Variants in ZNF718 observed in about 807,000 individuals in gnomAD.
ZNF718 encodes zinc finger protein 718.
In ZNF718, 3 loss-of-function variants were observed where a neutral mutation model predicts 2.6. The ratio of observed to expected loss-of-function variants is 1.16; its 90% confidence interval spans 0.53 to 3.01. The LOEUF (loss-of-function observed/expected upper bound fraction) is 3.01, where lower values mean the gene tolerates loss of function less well. Ranked by LOEUF, ZNF718 falls within the 30% of genes most tolerant of loss-of-function variation. ZNF718 has a pLI of 0.03. For missense variants in ZNF718, 468 were observed against 230.0 expected, an observed-to-expected ratio of 2.03 and a Z score of -6.69; for synonymous variants, 135 against 77.9, an observed-to-expected ratio of 1.73 and a Z score of -3.86.
intron 3 of ZNF718, among the ~76,000 whole-genome samples, chr4:141,632 C>T (rs1715815561): frequency 6.6e-6 from 1 of 151,992 alleles, no homozygotes. Context: ...GTTCAATCTG[C>T]TTTAGGTTAT....
In ZNF718 at chr4:131,459, A is replaced by G; in HGVS notation, c.180A>G (p.Lys60=). The part of the protein sequence containing the change: ...PDLVTSLEQR[K]EPYNLKIHET... Reference sequence around the variant, plus strand: ...TGGTCACCAGTCTGGAGCAAAGAAAAGAGCCCTACAATTTGAAGATACATG... The same window carrying G: ...TGGTCACCAGTCTGGAGCAAAGAAAGGAGCCCTACAATTTGAAGATACATG... Residue 60 remains lysine, a synonymous_variant, in exon 3 of 4, where the codon AAA becomes AAG. Transcript: ENST00000510175. 1.9e-6 allele frequency: 1 copy of G among 532,714 alleles called. No homozygotes were observed. The highest frequency in any genetic ancestry group is 3.0e-6 in the Non-Finnish European group (1 of 337,680). The allele number at this position is 532,714 out of a possible 1,614,324, so 33.0% of individuals were successfully genotyped here.
intron 3 of ZNF718, among the ~76,000 whole-genome samples, chr4:187,056 C>G (rs1473013876): frequency 6.6e-6 from 1 of 152,140 alleles, no homozygotes; most frequent in Non-Finnish European, 1.5e-5. Flanking sequence ...TTCAATCTTT[C>G]AGGTTGCTGA....
intron 3 of ZNF718, among the ~76,000 whole-genome samples, chr4:185,630 A>G (rs1462123224): frequency 6.6e-6 from 1 of 152,144 alleles, no homozygotes; most frequent in Non-Finnish European, 1.5e-5. Context: ...GTGGGAGTCT[A>G]AGTCTCTTTG....
chr4:146,673 T>A (rs1486283803), intron 3 of ZNF718, among the ~76,000 whole-genome samples: 2 of 152,104 alleles, frequency 1.3e-5, no homozygotes, highest in Non-Finnish European at 2.9e-5. Flanking sequence ...TACCTTTTTA[T>A]GGTTTATCAT....
In ZNF718 at chr4:145,514, A is replaced by C. The variant is rs561706595; in HGVS notation, c.226+14009A>C. On this transcript the variant is annotated intron_variant, in intron 3 of 3. Coordinates refer to ENST00000510175, the MANE Select transcript of ZNF718 (RefSeq NM_001039127.6). ...GGGTCTTCCTTTGTTACTCAGGCTG[A>C]AGTGCAGTACATTCACAGCTTAGTG... Among the ~76,000 whole-genome samples, 150 of 152,268 alleles carry C rather than the reference A, an allele frequency of 9.9e-4. 1 individual carries two copies. Among genetic ancestry groups the C allele is most frequent in the African/African-American group, 3.5e-3 (147 of 41,546 alleles).
Position 129,717 on chromosome 4 carries a change from T to A in ZNF718, c.4-1071T>A, listed in dbSNP as rs1715306277. ...AATAAAAAATTCCTCTGAATTGCAC[T>A]TAGCACTTCCTTTCTGTATCTGTCC... On this transcript the variant is annotated intron_variant, in intron 1 of 3. Transcript: ENST00000510175. Among the ~76,000 whole-genome samples, 5 of 102,942 alleles carry A rather than the reference T, an allele frequency of 4.9e-5. 2 individuals carry two copies. Among genetic ancestry groups the A allele is most frequent in the Non-Finnish European group, 1.1e-4 (5 of 46,336 alleles). The allele number at this position is 102,942 out of a possible 152,430, so 67.5% of individuals were successfully genotyped here.
chr4:200,656 G>A (rs1717880943), intron 3 of ZNF718, among the ~76,000 whole-genome samples: 2 of 152,006 alleles, frequency 1.3e-5, no homozygotes, highest in South Asian at 2.1e-4. Context: ...ATATTATTTG[G>A]CATTAATACA....
At position 172,231 on chromosome 4, in the gene ZNF718, G is replaced by A. The variant is rs146027423; in HGVS notation, c.227-28850G>A. 3.4e-3 allele frequency among the ~76,000 whole-genome samples: 512 copies of A among 152,056 alleles called. 1 individual carries two copies. The highest frequency in any genetic ancestry group is 6.8e-3 in the Middle Eastern group (2 of 294). On this transcript the variant is annotated intron_variant and NMD_transcript_variant, in intron 3 of 4. Coordinates refer to the ZNF718 transcript ENST00000642529. The stretch of plus-strand genomic sequence containing the variant: ...AGCATCCAGTAACCAGCATTTTGCC[G>A]TCTGGCTTATTTCACTTGGCATAAT...
chr4:142,699 A>G (rs1293617307), intron 3 of ZNF718, among the ~76,000 whole-genome samples: 3 of 152,244 alleles, frequency 2.0e-5, no homozygotes, highest in African/African-American at 7.2e-5. Flanking sequence ...TTATAATAGA[A>G]TTGACTAAAC....
At chr4:148,573 C>T (rs1310630698) in intron 3 of ZNF718, among the ~76,000 whole-genome samples, 1 of 144,468 alleles carries the variant, frequency 6.9e-6, no homozygotes, top group Non-Finnish European at 1.5e-5. Context: ...CACGCCATTG[C>T]ACTCTGCAGC....
rs1332645135 is a variant in ZNF718, at chr4:163,070, CA to C, written c.*951del. On this transcript the variant is annotated 3_prime_UTR_variant, in exon 4 of 4. Transcript: ENST00000510175. ...AAAAAATTATAGATTTTTTGAAAAGCAAATTCAACTCTAAAATTACTTCATA... is the reference window on the plus strand; with the variant it reads ...AAAAAATTATAGATTTTTTGAAAAGCAATTCAACTCTAAAATTACTTCATA... The C allele has an allele frequency of 6.6e-6, 1 of 151,804 alleles. No individual in the cohort carries two copies. The highest frequency in any genetic ancestry group is 1.5e-5 in the Non-Finnish European group (1 of 67,958). 9.4% of individuals were successfully genotyped at this position (151,804 alleles called of 1,614,324 possible).
rs1239842355 is a variant in ZNF718, at chr4:132,889, C to G, written c.226+1384C>G. On this transcript the variant is annotated intron_variant, in intron 3 of 3. Coordinates refer to ENST00000510175, the MANE Select transcript of ZNF718 (RefSeq NM_001039127.6). ...AATTGTCTTGGCCACACATAAAATA[C>G]AGTAACGTGGCCGGACACGGTGGCT... Among the ~76,000 whole-genome samples the G allele has an allele frequency of 5.0e-5, 5 of 100,560 alleles. 2 individuals are homozygous for G. In the Admixed American group the frequency reaches 5.5e-4, roughly 11 times the overall value. The allele number at this position is 100,560 out of a possible 152,430, so 66.0% of individuals were successfully genotyped here. A position where few individuals can be genotyped will look rare whatever the true frequency, so the allele number is the denominator to read the frequency against.
intron 3 of ZNF718, among the ~76,000 whole-genome samples, chr4:200,239 G>T (rs1462663486): frequency 6.6e-6 from 1 of 150,576 alleles, no homozygotes; most frequent in Admixed American, 6.6e-5. Context: ...GAAGGAGGAG[G>T]TTTTTTTTTT....
In ZNF718 at chr4:181,158, C is replaced by CTTTT. The variant is rs782164295; in HGVS notation, c.227-19899_227-19896dup. On this transcript the variant is annotated intron_variant and NMD_transcript_variant, in intron 3 of 4. Coordinates refer to the ZNF718 transcript ENST00000642529. The stretch of plus-strand genomic sequence containing the variant: ...TACAGGCCTGTGCCCCAGTGCCCAG[C>CTTTT]TTTTTTTTTTTTTTTTTTTTTTTTT... Among the ~76,000 whole-genome samples, 31 of 51,088 alleles carry CTTTT rather than the reference C, an allele frequency of 6.1e-4. 2 individuals carry two copies. Among genetic ancestry groups the CTTTT allele is most frequent in the African/African-American group, 6.6e-4 (9 of 13,620 alleles). The allele number at this position is 51,088 out of a possible 152,430, so 33.5% of individuals were successfully genotyped here.
intron 3 of ZNF718, chr4:149,615 A>G (rs1263730015): frequency 6.6e-6 from 1 of 152,210 alleles, no homozygotes; most frequent in Non-Finnish European, 1.5e-5. Flanking sequence ...AATTTAAAAT[A>G]CATTTATAAA....
At chr4:153,674 A>G (rs1272683415) in intron 3 of ZNF718, among the ~76,000 whole-genome samples, 1 of 152,156 alleles carries the variant, frequency 6.6e-6, no homozygotes, top group Non-Finnish European at 1.5e-5. Context: ...GCATTTGGCA[A>G]AATTCAACAT....
chr4:146,819 AT>A (rs1193832383), intron 3 of ZNF718, among the ~76,000 whole-genome samples: 2 of 150,840 alleles, frequency 1.3e-5, no homozygotes, highest in East Asian at 3.9e-4. Context: ...TTTCTCTTAA[AT>A]TTTTCAGTTC....
At chr4:146,540 C>T (rs1187439684) in intron 3 of ZNF718, among the ~76,000 whole-genome samples, 1 of 152,008 alleles carries the variant, frequency 6.6e-6, no homozygotes, top group African/African-American at 2.4e-5. Context: ...CTTCTTGCTA[C>T]TGATATTTTG....
chr4:133,195 A>AAAAAAACATATATAT lies in ZNF718; in HGVS notation c.226+1691_226+1692insAAAAACATATATATA, dbSNP rs1258303094. 1.2e-3 allele frequency among the ~76,000 whole-genome samples: 25 copies of AAAAAAACATATATAT among 20,778 alleles called. 3 individuals carry two copies. The highest frequency in any genetic ancestry group is 4.2e-3 in the African/African-American group (25 of 5,966). 13.6% of individuals were successfully genotyped at this position (20,778 alleles called of 152,430 possible). On this transcript the variant is annotated intron_variant, in intron 3 of 3. Coordinates refer to ENST00000510175, the MANE Select transcript of ZNF718 (RefSeq NM_001039127.6). The stretch of plus-strand genomic sequence containing the variant: ...TCCATCTTAAAAAAAAAAAAAAAAA[A>AAAAAAACATATATAT]ATATATATATATATATATATATATA...
Sources: gnomAD v4.1 joint callset for allele counts (sites outside exome capture counted in the v4.1 genomes callset) on GRCh38, gnomAD v4.1.1 for gene constraint, MANE v1.5 for transcripts, NCBI Gene and HGNC (gene_info 2026-07-23, HGNC 2026-07-21) for gene names.